Variants in SOX6 observed in about 807,000 individuals in gnomAD.
SOX6 encodes transcription factor SOX-6.
SOX6 carries 11 observed loss-of-function variants against 97.8 expected under a neutral mutation model. That is an observed-to-expected ratio of 0.11 (90% CI 0.07 to 0.19). The LOEUF (loss-of-function observed/expected upper bound fraction) is 0.19. SOX6 is among the 10% of genes least tolerant of loss of function. The pLI is 1.00. For synonymous variants in SOX6, 360 were observed against 371.4 expected, an observed-to-expected ratio of 0.97 and a Z score of 0.35; for missense variants, 810 against 1,039.5, an observed-to-expected ratio of 0.78 and a Z score of 3.04.
chr11:16,333,846 G>A (rs1420387665), intron 2 of SOX6, among the ~76,000 whole-genome samples: 1 of 152,112 alleles, frequency 6.6e-6, no homozygotes, highest in African/African-American at 2.4e-5. Flanking sequence ...AGGGATAGTT[G>A]ACAGGAAAAG....
At chr11:16,421,382 A>G (rs1859019263) in intron 1 of SOX6, among the ~76,000 whole-genome samples, 1 of 152,112 alleles carries the variant, frequency 6.6e-6, no homozygotes, top group African/African-American at 2.4e-5. Flanking sequence ...TAATGTTAAC[A>G]TCTAGTAAGT....
chr11:16,468,448 C>CA (rs1259572306), intron 1 of SOX6, among the ~76,000 whole-genome samples: 2 of 152,152 alleles, frequency 1.3e-5, no homozygotes, highest in Non-Finnish European at 2.9e-5. Flanking sequence ...AGTAAGTCCT[C>CA]AAAGTGTCAT....
chr11:16,466,626 G>GAA lies in SOX6; in HGVS notation c.-5+9687_-5+9688dup, dbSNP rs532542109. Among the ~76,000 whole-genome samples the GAA allele has an allele frequency of 7.4e-3, 1,045 of 142,086 alleles. 12 individuals are homozygous for GAA. The highest frequency in any genetic ancestry group is 0.024 in the African/African-American group (928 of 39,048). 93.2% of individuals were successfully genotyped at this position (142,086 alleles called of 152,430 possible). The stretch of plus-strand genomic sequence containing the variant: ...ATTAGGAACTTAAACAAAATTACAA[G>GAA]AAAAAAAAAAACAAACAACTCCGGC... On this transcript the variant is annotated intron_variant, in intron 1 of 15. Transcript: ENST00000396356.
At position 16,563,450 on chromosome 11, in the gene SOX6, A is replaced by AAAAC. The variant is rs563154134; in HGVS notation, n.609+48627_609+48630dup. ...AAAGAGTGAGACCCTGTCACTATTTAAAACAAACAAACAAACAAACAAAAA... is the reference window on the plus strand; with the variant it reads ...AAAGAGTGAGACCCTGTCACTATTTAAAACAAACAAACAAACAAACAAACAAAAA... On this transcript the variant is annotated intron_variant and non_coding_transcript_variant, in intron 4 of 5. Coordinates refer to the SOX6 transcript ENST00000524520. 2.2e-3 allele frequency among the ~76,000 whole-genome samples: 335 copies of AAAAC among 152,262 alleles called. 3 individuals are homozygous for AAAAC. Among genetic ancestry groups the AAAAC allele is most frequent in the Non-Finnish European group, 1.9e-3 (129 of 68,016 alleles).
rs116460026 is a variant in SOX6, at chr11:16,491,454, T to C, written n.610-15066A>G. 7.6e-3 allele frequency among the ~76,000 whole-genome samples: 1,161 copies of C among 152,198 alleles called. 15 individuals are homozygous for C. The highest frequency in any genetic ancestry group is 0.025 in the African/African-American group (1,045 of 41,536). On this transcript the variant is annotated intron_variant and non_coding_transcript_variant, in intron 4 of 5. Coordinates refer to the SOX6 transcript ENST00000524520. Reference sequence around the variant, plus strand: ...TTATAAAGAAGTCAATCTCCCCAAATTAATCTGGAGATTCAGTGCAATTCC... The same window carrying C: ...TTATAAAGAAGTCAATCTCCCCAAACTAATCTGGAGATTCAGTGCAATTCC...
chr11:16,279,635 T>C (rs946673905), intron 3 of SOX6, among the ~76,000 whole-genome samples: 2 of 151,158 alleles, frequency 1.3e-5, no homozygotes, highest in Non-Finnish European at 3.0e-5. Flanking sequence ...AGATGAAAAC[T>C]TACATTTTCA....
At chr11:16,329,141 A>T (rs958832908) in intron 2 of SOX6, among the ~76,000 whole-genome samples, 1 of 152,160 alleles carries the variant, frequency 6.6e-6, no homozygotes, top group African/African-American at 2.4e-5. Context: ...CAGAAAATAG[A>T]TTTGTTACCA....
chr11:16,220,290 A>G (rs1211507860), intron 4 of SOX6, among the ~76,000 whole-genome samples: 1 of 152,068 alleles, frequency 6.6e-6, no homozygotes, highest in Non-Finnish European at 1.5e-5. Flanking sequence ...TATAGAAAAC[A>G]ACATTTTAGG....
chr11:16,219,663 C>A, intron 4 of SOX6, among the ~76,000 whole-genome samples: 1 of 151,834 alleles, frequency 6.6e-6, no homozygotes, highest in African/African-American at 2.4e-5. Flanking sequence ...ATAAAAATAC[C>A]ATTTGGATGA....
At chr11:16,048,835 T>A (rs1847610358) in intron 11 of SOX6, among the ~76,000 whole-genome samples, 1 of 152,066 alleles carries the variant, frequency 6.6e-6, no homozygotes, top group Admixed American at 6.6e-5. Context: ...CCAAAGAGTA[T>A]AACAAATTAA....
chr11:16,250,703 G>A (rs1443186444), intron 3 of SOX6, among the ~76,000 whole-genome samples: 2 of 151,764 alleles, frequency 1.3e-5, no homozygotes, highest in African/African-American at 2.4e-5. Flanking sequence ...AACCAAAGCT[G>A]ACAAAGAAAA....
intron 4 of SOX6, among the ~76,000 whole-genome samples, chr11:16,492,271 G>C (rs1470889542): frequency 6.6e-6 from 1 of 152,176 alleles, no homozygotes; most frequent in Non-Finnish European, 1.5e-5. Context: ...CTGCTACTTA[G>C]GAGTTCCCTG....
chr11:16,315,697 T>C lies in SOX6; in HGVS notation c.445+2749A>G, dbSNP rs369551907. On this transcript the variant is annotated intron_variant, in intron 3 of 15. Coordinates refer to ENST00000683767, the MANE Select transcript of SOX6 (RefSeq NM_001367873.1). Reference sequence around the variant, plus strand: ...CAGGTTCCTCATAACTTCTTGTCACTGATCTGTATTCTATCCCCAGGAAGC... The same window carrying C: ...CAGGTTCCTCATAACTTCTTGTCACCGATCTGTATTCTATCCCCAGGAAGC... The C allele has an allele frequency of 1.8e-4, 27 of 152,344 alleles. No individual in the cohort carries two copies. In the East Asian group the frequency reaches 3.5e-3, roughly 20 times the overall value. 9.4% of individuals were successfully genotyped at this position (152,344 alleles called of 1,614,324 possible).
intron 1 of SOX6, among the ~76,000 whole-genome samples, chr11:16,453,079 A>AT (rs1859750454): frequency 6.6e-6 from 1 of 152,092 alleles, no homozygotes. Flanking sequence ...TATAAAACGC[A>AT]ATTTTTATTC....
chr11:16,389,969 TAAAAAA>T lies in SOX6; in HGVS notation c.-4-48723_-4-48718del, dbSNP rs536056301. 8.4e-3 allele frequency among the ~76,000 whole-genome samples: 352 copies of T among 41,854 alleles called. 6 individuals are homozygous for T. Among genetic ancestry groups the T allele is most frequent in the African/African-American group, 0.03 (286 of 9,592 alleles). 27.5% of individuals were successfully genotyped at this position (41,854 alleles called of 152,430 possible). A position where few individuals can be genotyped will look rare whatever the true frequency, so the allele number is the denominator to read the frequency against. The stretch of plus-strand genomic sequence containing the variant: ...TGGGCGACAGGGCAAGACTCCGTCT[TAAAAAA>T]AAAAAAAAAAAAAAAAAAAAAGAAG... On this transcript the variant is annotated intron_variant, in intron 1 of 15. Coordinates refer to the SOX6 transcript ENST00000396356.
intron 9 of SOX6, among the ~76,000 whole-genome samples, chr11:16,080,649 G>T (rs1196724264): frequency 6.6e-6 from 1 of 152,178 alleles, no homozygotes. Flanking sequence ...CTGATGCAAA[G>T]ATGAAGAAGA....
chr11:16,636,514 G>C (rs1378742880), intron 3 of SOX6, among the ~76,000 whole-genome samples: 1 of 152,188 alleles, frequency 6.6e-6, no homozygotes, highest in East Asian at 1.9e-4. Context: ...TTTGGACTTG[G>C]ACTTTTGAGT....
At chr11:16,624,235 T>C (rs2133990999) in intron 3 of SOX6, among the ~76,000 whole-genome samples, 1 of 144,890 alleles carries the variant, frequency 6.9e-6, no homozygotes, top group African/African-American at 2.5e-5. Flanking sequence ...GTTGCCAGGC[T>C]GGAGTGCAGT....
At chr11:16,449,670 A>G (rs1399886849) in intron 1 of SOX6, among the ~76,000 whole-genome samples, 4 of 152,176 alleles carry the variant, frequency 2.6e-5, no homozygotes, top group Non-Finnish European at 5.9e-5. Context: ...TCTCCACAAC[A>G]GAGCCATGAA....
Sources: gnomAD v4.1 joint callset for allele counts (sites outside exome capture counted in the v4.1 genomes callset) on GRCh38, gnomAD v4.1.1 for gene constraint, MANE v1.5 for transcripts, NCBI Gene and HGNC (gene_info 2026-07-23, HGNC 2026-07-21) for gene names.